The following BAZ2B variants were observed in gnomAD, a reference collection of about 807,000 sequenced individuals.
BAZ2B encodes the protein bromodomain adjacent to zinc finger domain 2B, also known as bromodomain adjacent to zinc finger domain protein 2B.
A neutral mutation model predicts 246.0 loss-of-function variants in BAZ2B; 91 were observed. The ratio of observed to expected loss-of-function variants is 0.37; its 90% CI spans 0.31 to 0.44. The LOEUF is 0.44. BAZ2B is among the 20% of genes least tolerant of loss of function. The probability of loss-of-function intolerance (pLI) is 1.00; values close to 1 mark genes in which losing one functional copy is unlikely to be tolerated. For missense variants in BAZ2B, 2,332 were observed against 2,533.7 expected, an observed-to-expected ratio of 0.92 and a Z score of 1.71; for synonymous variants, 855 against 860.0, an observed-to-expected ratio of 0.99 and a Z score of 0.10.
chr2:159,474,681 G>T (rs1190495470), intron 3 of BAZ2B, among the ~76,000 whole-genome samples: 2 of 152,148 alleles, frequency 1.3e-5, no homozygotes, highest in Non-Finnish European at 1.5e-5. Flanking sequence ...GTGTGTTTTT[G>T]CAGTGGCTGG....
chr2:159,423,132 G>T (rs983688877), intron 13 of BAZ2B, among the ~76,000 whole-genome samples: 1 of 152,012 alleles, frequency 6.6e-6, no homozygotes, highest in African/African-American at 2.4e-5. Context: ...TGGCTAACAC[G>T]GTGAAACCCT....
At chr2:159,419,440 A>G (rs1297358843) in intron 13 of BAZ2B, among the ~76,000 whole-genome samples, 2 of 152,202 alleles carry the variant, frequency 1.3e-5, no homozygotes, top group African/African-American at 4.8e-5. Flanking sequence ...CTAGCTACTT[A>G]ATAGTGCCAG....
intron 13 of BAZ2B, 80 bp from the exon 14 acceptor site, chr2:159,412,625 T>C: frequency 7.4e-7 from 1 of 1,353,998 alleles, no homozygotes; most frequent in South Asian, 1.4e-5. Flanking sequence ...AAATTCTAGC[T>C]AAAAATCACA....
chr2:159,464,373 T>A (rs1257437659), intron 3 of BAZ2B: 1 of 152,144 alleles, frequency 6.6e-6, no homozygotes, highest in African/African-American at 2.4e-5. Context: ...CTGTAAAATG[T>A]CCCTCTGGTT....
In BAZ2B at chr2:159,498,257, T is replaced by C. The variant is rs577788647; in HGVS notation, c.-2-19536A>G. On this transcript the variant is annotated intron_variant, in intron 2 of 36. Transcript: ENST00000392783. The stretch of plus-strand genomic sequence containing the variant: ...GAAGAAAATATTTTCTTTAAACTTA[T>C]GATATAAGGGTAAAAAAAAGCTCAA... Among the ~76,000 whole-genome samples the C allele has an allele frequency of 1.9e-4, 29 of 152,284 alleles. No individual in the cohort carries two copies. The East Asian group carries it at 5.2e-3, about 27-fold the overall frequency.
Position 159,320,372 on chromosome 2 carries a change from CA to C in BAZ2B, c.6399del (p.Phe2133LeufsTer14). On this transcript the variant is annotated frameshift_variant, in exon 37 of 37. Transcript: ENST00000392783. LOFTEE classifies it high-confidence loss of function. ...TCTTCATTAAATGTTTCACAGTTGT[CA>C]AAAACAAGCCTGACATCTAGAGCAA... is the stretch of plus-strand genomic sequence containing the variant. ...ETFALDVRLV[F>X]DNCETFNEDD... 1 of 1,578,832 alleles carries C rather than the reference CA, an allele frequency of 6.3e-7. No individual in the cohort carries two copies.
chr2:159,557,680 G>C (rs1578356954), intron 1 of BAZ2B, among the ~76,000 whole-genome samples: 1 of 152,110 alleles, frequency 6.6e-6, no homozygotes, highest in Non-Finnish European at 1.5e-5. Context: ...CTCCATGAAG[G>C]AAGATCACTG....
At chr2:159,608,375 C>T (rs13339889) in intron 1 of BAZ2B, among the ~76,000 whole-genome samples, 14 of 151,932 alleles carry the variant, frequency 9.2e-5, no homozygotes, top group African/African-American at 3.4e-4. Flanking sequence ...ACCCTGTCTC[C>T]AAAAAAATAA....
At chr2:159,388,921 A>C (rs1208852789) in intron 21 of BAZ2B, among the ~76,000 whole-genome samples, 1 of 151,810 alleles carries the variant, frequency 6.6e-6, no homozygotes, top group Non-Finnish European at 1.5e-5. Context: ...AATAACAAAA[A>C]CCCAAAAAAC....
chr2:159,635,811 T>C, the BAZ2B span, among the ~76,000 whole-genome samples: 2 of 152,164 alleles, frequency 1.3e-5, no homozygotes, highest in Non-Finnish European at 2.9e-5. Flanking sequence ...TAATGGTCCA[T>C]AATGGCAAAG....
intron 14 of BAZ2B, among the ~76,000 whole-genome samples, chr2:159,410,515 T>A (rs183788023): frequency 6.6e-6 from 1 of 152,170 alleles, no homozygotes; most frequent in African/African-American, 2.4e-5. Context: ...CTGGGTGCCT[T>A]GTGAAGAAGG....
rs564228460 is a variant in BAZ2B at position 159,389,133 on chromosome 2, A to C, written c.3216+212T>G. ...ACCAACCAACCAACCAACCAAACAAACAAACAAAAAAACCGCCATTACCAG... is the reference window on the plus strand; with the variant it reads ...ACCAACCAACCAACCAACCAAACAACCAAACAAAAAAACCGCCATTACCAG... On this transcript the variant is annotated intron_variant, in intron 21 of 36. Coordinates refer to ENST00000392783, the MANE Select transcript of BAZ2B (RefSeq NM_013450.4). Among the ~76,000 whole-genome samples the C allele has an allele frequency of 4.4e-3, 638 of 145,106 alleles. 4 individuals are homozygous for C. The highest frequency in any genetic ancestry group is 0.015 in the African/African-American group (582 of 40,008).
chr2:159,511,554 T>C (rs2082927322), intron 2 of BAZ2B, among the ~76,000 whole-genome samples: 1 of 152,138 alleles, frequency 6.6e-6, no homozygotes, highest in Non-Finnish European at 1.5e-5. Context: ...TAGTTCAGTA[T>C]AATTATTTAA....
chr2:159,638,068 TCAGCA>T, the BAZ2B span, among the ~76,000 whole-genome samples: 1 of 152,170 alleles, frequency 6.6e-6, no homozygotes, highest in South Asian at 2.1e-4. Flanking sequence ...TCCAGGTGAC[TCAGCA>T]CACAGAGAGA....
At chr2:159,566,465 T>C (rs558659927) in intron 1 of BAZ2B, among the ~76,000 whole-genome samples, 1 of 152,312 alleles carries the variant, frequency 6.6e-6, no homozygotes, top group Non-Finnish European at 1.5e-5. Flanking sequence ...GCCAGCAATT[T>C]AAGAAAACAT....
At chr2:159,533,583 A>AT (rs1220776755) in intron 2 of BAZ2B, among the ~76,000 whole-genome samples, 1 of 152,174 alleles carries the variant, frequency 6.6e-6, no homozygotes, top group African/African-American at 2.4e-5. Flanking sequence ...CTGATTTAAC[A>AT]TTTTTTACAC....
intron 27 of BAZ2B, among the ~76,000 whole-genome samples, chr2:159,365,924 A>AATCCTCTGCAGCG (rs1451701061): frequency 2.0e-5 from 3 of 152,206 alleles, no homozygotes; most frequent in African/African-American, 7.2e-5. Flanking sequence ...TGTACCAAAT[A>AATCCTCTGCAGCG]ATCCTCTGCA....
chr2:159,595,005 G>A (rs1007651493), intron 1 of BAZ2B, among the ~76,000 whole-genome samples: 1 of 151,954 alleles, frequency 6.6e-6, no homozygotes, highest in Non-Finnish European at 1.5e-5. Flanking sequence ...AAATCTTTAG[G>A]TAGCCTAAAA....
chr2:159,338,626 A>T (rs150794884), intron 31 of BAZ2B, among the ~76,000 whole-genome samples: 1 of 152,210 alleles, frequency 6.6e-6, no homozygotes, highest in East Asian at 1.9e-4. Flanking sequence ...AAGTACCTCA[A>T]TCTATCCCTT....
Sources: allele counts gnomAD v4.1 joint callset (sites outside exome capture counted in the v4.1 genomes callset), GRCh38; gene constraint gnomAD v4.1.1; transcripts MANE v1.5; gene names NCBI Gene and HGNC (gene_info 2026-07-23, HGNC 2026-07-21).